Variants in OR9Q1 observed in about 807,000 individuals in gnomAD.
OR9Q1 encodes the protein olfactory receptor family 9 subfamily Q member 1.
For synonymous variants in OR9Q1, 153 were observed against 148.6 expected, an observed-to-expected ratio of 1.03 and a Z score of -0.22; for missense variants, 374 against 378.8, an observed-to-expected ratio of 0.99 and a Z score of 0.11.
chr11:58,076,315 T>C (rs1458318462), intron 2 of OR9Q1, among the ~76,000 whole-genome samples: 1 of 152,180 alleles, frequency 6.6e-6, no homozygotes, highest in African/African-American at 2.4e-5. Flanking sequence ...GGTTGTTGTG[T>C]GGGGCTTCAA....
chr11:58,030,968 A>G (rs1853026260), intron 1 of OR9Q1: 2 of 1,612,378 alleles, frequency 1.2e-6, no homozygotes, highest in Non-Finnish European at 1.7e-6. Context: ...ACCATATACC[A>G]AAAACTGGAC....
chr11:58,096,303 C>T (rs1226643840), intron 2 of OR9Q1, among the ~76,000 whole-genome samples: 1 of 152,146 alleles, frequency 6.6e-6, no homozygotes, highest in Non-Finnish European at 1.5e-5. Flanking sequence ...GCATGCATAT[C>T]ACCACCACAC....
At chr11:58,146,285 T>C (rs1854298311) in intron 2 of OR9Q1, among the ~76,000 whole-genome samples, 1 of 152,200 alleles carries the variant, frequency 6.6e-6, no homozygotes, top group Non-Finnish European at 1.5e-5. Context: ...CTTTAGGACA[T>C]TTACTCTATT....
At chr11:58,159,649 G>A (rs1275150380) in intron 2 of OR9Q1, among the ~76,000 whole-genome samples, 1 of 152,168 alleles carries the variant, frequency 6.6e-6, no homozygotes, top group Non-Finnish European at 1.5e-5. Context: ...ATTGACAAAA[G>A]AGAATTTGAA....
At chr11:58,121,857 G>A (rs1389409011) in intron 2 of OR9Q1, among the ~76,000 whole-genome samples, 1 of 152,020 alleles carries the variant, frequency 6.6e-6, no homozygotes, top group Non-Finnish European at 1.5e-5. Flanking sequence ...ATCCATAAAT[G>A]TCTGTGATTG....
intron 1 of OR9Q1, among the ~76,000 whole-genome samples, chr11:58,029,315 C>T (rs986053): frequency 0.11 from 17,167 of 152,086 alleles, 1,527 homozygotes; most frequent in African/African-American, 0.22. Flanking sequence ...CTAGGCCTTT[C>T]CACAGGCTGG....
intron 2 of OR9Q1, among the ~76,000 whole-genome samples, chr11:58,100,434 A>G (rs557977698): frequency 2.0e-5 from 3 of 152,114 alleles, no homozygotes; most frequent in Non-Finnish European, 4.4e-5. Flanking sequence ...ATTGTCATAT[A>G]TGTTGCTTTT....
intron 2 of OR9Q1, among the ~76,000 whole-genome samples, chr11:58,141,775 G>C (rs995747001): frequency 6.6e-6 from 1 of 152,150 alleles, no homozygotes; most frequent in African/African-American, 2.4e-5. Context: ...AACAAACTCT[G>C]TCTTCTGTGC....
chr11:58,106,159 C>CTT lies in OR9Q1; in HGVS notation c.-15+50225_-15+50226dup, dbSNP rs34637003. Among the ~76,000 whole-genome samples the CTT allele has an allele frequency of 1.2e-3, 170 of 144,418 alleles. 1 individual carries two copies. Among genetic ancestry groups the CTT allele is most frequent in the East Asian group, 6.7e-3 (33 of 4,942 alleles). The allele number at this position is 144,418 out of a possible 152,430, so 94.7% of individuals were successfully genotyped here. A position where few individuals can be genotyped will look rare whatever the true frequency, so the allele number is the denominator to read the frequency against. On this transcript the variant is annotated intron_variant, in intron 2 of 2. Transcript: ENST00000335397. Reference sequence around the variant, plus strand: ...GTACTTTCTCACCAACATTTGCTATCTTTTTTTTTTTTTTAATAATGGTCT... The same window carrying CTT: ...GTACTTTCTCACCAACATTTGCTATCTTTTTTTTTTTTTTTTAATAATGGTCT...
intron 2 of OR9Q1, among the ~76,000 whole-genome samples, chr11:58,173,047 T>C (rs1854569809): frequency 6.6e-6 from 1 of 152,060 alleles, no homozygotes; most frequent in African/African-American, 2.4e-5. Context: ...AAGGGACAAA[T>C]AAAAAAATAA....
At chr11:58,058,756 G>A (rs945603551) in intron 2 of OR9Q1, among the ~76,000 whole-genome samples, 12 of 152,152 alleles carry the variant, frequency 7.9e-5, no homozygotes, top group African/African-American at 2.4e-4. Context: ...CCTCGCCCCC[G>A]ATCTGCTTCT....
chr11:58,085,633 T>C (rs1195894441), intron 2 of OR9Q1, among the ~76,000 whole-genome samples: 1 of 151,898 alleles, frequency 6.6e-6, no homozygotes, highest in African/African-American at 2.4e-5. Flanking sequence ...ATATCTTATA[T>C]AAGTGAAATC....
At chr11:58,046,214 G>A (rs183997410) in intron 1 of OR9Q1, among the ~76,000 whole-genome samples, 26 of 152,284 alleles carry the variant, frequency 1.7e-4, no homozygotes, top group Admixed American at 1.2e-3. Flanking sequence ...CCTGTGGGGC[G>A]ACAATGCTAA....
intron 2 of OR9Q1, among the ~76,000 whole-genome samples, chr11:58,169,775 G>C (rs1854537749): frequency 6.6e-6 from 1 of 151,922 alleles, no homozygotes. Context: ...TATCATGCTG[G>C]CATCAGGACG....
intron 2 of OR9Q1, among the ~76,000 whole-genome samples, chr11:58,075,225 CT>C (rs1426114960): frequency 6.6e-6 from 1 of 152,216 alleles, no homozygotes; most frequent in Non-Finnish European, 1.5e-5. Context: ...GATATTGATT[CT>C]TCCTATCCAG....
intron 2 of OR9Q1, among the ~76,000 whole-genome samples, chr11:58,170,628 G>C (rs1854545537): frequency 6.6e-6 from 1 of 152,136 alleles, no homozygotes; most frequent in African/African-American, 2.4e-5. Flanking sequence ...TGGAGATAAT[G>C]AGTCATGGGG....
At chr11:58,114,029 C>T (rs1476533351) in intron 2 of OR9Q1, among the ~76,000 whole-genome samples, 1 of 152,026 alleles carries the variant, frequency 6.6e-6, no homozygotes, top group Non-Finnish European at 1.5e-5. Flanking sequence ...AATCTGAAAC[C>T]CACAAAAAAT....
chr11:58,113,776 A>G (rs937106081), intron 2 of OR9Q1, among the ~76,000 whole-genome samples: 29 of 152,202 alleles, frequency 1.9e-4, no homozygotes, highest in African/African-American at 7.0e-4. Context: ...AAGGCTGGGG[A>G]AGATAAATAA....
In OR9Q1 at chr11:58,106,368, C is replaced by T. The variant is rs191828528; in HGVS notation, c.-15+50421C>T. 2.8e-3 allele frequency among the ~76,000 whole-genome samples: 428 copies of T among 151,844 alleles called. 1 individual carries two copies. Among genetic ancestry groups the T allele is most frequent in the African/African-American group, 9.4e-3 (391 of 41,450 alleles). On this transcript the variant is annotated intron_variant, in intron 2 of 2. Transcript: ENST00000335397. ...ATTTATTTTATTACAATTGAGTTGC[C>T]GGAGTTCGATATATATTTTAGCAAT...
Sources: gnomAD v4.1 joint callset for allele counts (sites outside exome capture counted in the v4.1 genomes callset) on GRCh38, gnomAD v4.1.1 for gene constraint, MANE v1.5 for transcripts, NCBI Gene and HGNC (gene_info 2026-07-23, HGNC 2026-07-21) for gene names.